Variants in SLC3A1 observed in about 807,000 individuals in gnomAD.
SLC3A1 encodes amino acid transporter heavy chain SLC3A1.
Under a neutral mutation model 60.3 loss-of-function variants are expected in SLC3A1, and 78 were observed. That is an observed-to-expected ratio of 1.29 (90% CI 1.08 to 1.56). The LOEUF (loss-of-function observed/expected upper bound fraction) is 1.56. SLC3A1 is among the 40% of genes most tolerant of loss of function. The probability of loss-of-function intolerance (pLI) is 0.00; values close to 1 mark genes in which losing one functional copy is unlikely to be tolerated. For missense variants in SLC3A1, 1,172 were observed against 858.9 expected, an observed-to-expected ratio of 1.36 and a Z score of -4.56; for synonymous variants, 392 against 307.9, an observed-to-expected ratio of 1.27 and a Z score of -2.86.
Position 44,286,129 on chromosome 2 carries a change from G to A in SLC3A1, c.863G>A (p.Arg288His), listed in dbSNP as rs375237049. Residue 288 changes from arginine to histidine, a missense_variant, in exon 4 of 10, where the codon CGC becomes CAC. Transcript: ENST00000260649. The part of the protein sequence containing the change: ...FMKEQPDLNF[R>H]NPDVQEEIKE... Reference sequence around the variant, plus strand: ...AAAGAGCAACCTGATTTAAATTTCCGCAATCCTGATGTTCAAGAAGAAATA... The same window carrying A: ...AAAGAGCAACCTGATTTAAATTTCCACAATCCTGATGTTCAAGAAGAAATA... 5.7e-5 allele frequency: 92 copies of A among 1,613,928 alleles called. No homozygotes were observed. The African/African-American group carries it at 6.5e-4, about 11-fold the overall frequency.
At chr2:44,316,099 ATT>A (rs1672439745) in intron 9 of SLC3A1, among the ~76,000 whole-genome samples, 1 of 152,168 alleles carries the variant, frequency 6.6e-6, no homozygotes, top group Non-Finnish European at 1.5e-5. Context: ...TTGGCTTCCC[ATT>A]ATGAGAGGCA....
At chr2:44,292,529 G>A (rs970566287) in intron 4 of SLC3A1, among the ~76,000 whole-genome samples, 2 of 152,100 alleles carry the variant, frequency 1.3e-5, no homozygotes, top group Non-Finnish European at 2.9e-5. Context: ...ATTCTGGGGT[G>A]GGAGGTGGAC....
At chr2:44,316,462 TTAAGAGCATAAGAAAAAATC>T (rs1672458581) in intron 9 of SLC3A1, 1 of 151,784 alleles carries the variant, frequency 6.6e-6, no homozygotes, top group Non-Finnish European at 1.5e-5. Context: ...AGACAAAGAA[TTAAGAGCATAAGAAAAAATC>T]GGGATACATG....
At chr2:44,286,921 C>T (rs1671630613) in intron 4 of SLC3A1, among the ~76,000 whole-genome samples, 1 of 152,134 alleles carries the variant, frequency 6.6e-6, no homozygotes. Context: ...CTAAAATGGG[C>T]TTCTTGATGG....
chr2:44,319,783 GAACA>G (rs558593497), intron 9 of SLC3A1: 2 of 177,882 alleles, frequency 1.1e-5, no homozygotes, highest in South Asian at 2.6e-4. Flanking sequence ...CTACAAAGGG[GAACA>G]AACCCAAATT....
At chr2:44,317,280 T>C (rs1672503344) in intron 9 of SLC3A1, among the ~76,000 whole-genome samples, 1 of 151,978 alleles carries the variant, frequency 6.6e-6, no homozygotes, top group African/African-American at 2.4e-5. Flanking sequence ...CTAGGCAACA[T>C]AGTAAGACCC....
At position 44,280,748 on chromosome 2, in the gene SLC3A1, T is replaced by C; in HGVS notation, c.463T>C (p.Leu155=). 1 of 1,611,450 alleles carries C rather than the reference T, an allele frequency of 6.2e-7. No homozygotes were observed. Among genetic ancestry groups the C allele is most frequent in the Non-Finnish European group, 8.5e-7 (1 of 1,177,638 alleles). Reference sequence around the variant, plus strand: ...AGATAAACTGGACTACATCACAGCTTTAAATATAAAAACTGTTTGGATTAC... The same window carrying C: ...AGATAAACTGGACTACATCACAGCTCTAAATATAAAAACTGTTTGGATTAC... ...IQDKLDYITA[L]NIKTVWITSF... The change falls in exon 2 of 10, where the codon TTA becomes CTA. Residue 155 remains leucine (L), a synonymous_variant. Coordinates refer to ENST00000260649, the MANE Select transcript of SLC3A1 (RefSeq NM_000341.4).
chr2:44,286,553 T>G (rs1268584649), intron 4 of SLC3A1, among the ~76,000 whole-genome samples: 1 of 145,642 alleles, frequency 6.9e-6, no homozygotes, highest in Non-Finnish European at 1.5e-5. Flanking sequence ...GTGCGGTGCC[T>G]GTGACGGTGA....
chr2:44,300,688 CTT>C (rs199523809), intron 5 of SLC3A1, among the ~76,000 whole-genome samples: 10 of 151,378 alleles, frequency 6.6e-5, no homozygotes, highest in Middle Eastern at 6.8e-3. Flanking sequence ...CCACTAAGAT[CTT>C]TTTTTTTGTT....
chr2:44,285,077 T>C (rs1572793092), intron 3 of SLC3A1: 2 of 152,338 alleles, frequency 1.3e-5, no homozygotes, highest in South Asian at 4.1e-4. Context: ...CCCTTTGAAA[T>C]TGCTTTCTTC....
At chr2:44,295,055 C>T (rs977517488) in intron 4 of SLC3A1, among the ~76,000 whole-genome samples, 1 of 152,068 alleles carries the variant, frequency 6.6e-6, no homozygotes, top group East Asian at 1.9e-4. Flanking sequence ...AAGAGGATGT[C>T]TTCTCTATCA....
At chr2:44,286,179 G>A in intron 4 of SLC3A1, 22 bp downstream of exon 4, 1 of 1,610,816 alleles carries the variant, frequency 6.2e-7, no homozygotes, top group East Asian at 2.2e-5. Flanking sequence ...TACCCACACA[G>A]ACTTCTCCAT....
At chr2:44,317,314 T>G (rs1672505645) in intron 9 of SLC3A1, among the ~76,000 whole-genome samples, 2 of 151,918 alleles carry the variant, frequency 1.3e-5, no homozygotes, top group Non-Finnish European at 2.9e-5. Context: ...AGAAAAAAAT[T>G]AGCTGGGCAT....
chr2:44,278,687 A>G (rs1461945850), intron 1 of SLC3A1, among the ~76,000 whole-genome samples: 1 of 152,104 alleles, frequency 6.6e-6, no homozygotes, highest in Non-Finnish European at 1.5e-5. Context: ...ACTCTGAACT[A>G]GAAGGAGAAA....
chr2:44,299,139 A>T (rs1216055352), intron 4 of SLC3A1, among the ~76,000 whole-genome samples: 1 of 150,858 alleles, frequency 6.6e-6, no homozygotes, highest in Admixed American at 6.6e-5. Flanking sequence ...CCCGGGTTCA[A>T]GTGATTCTCC....
In SLC3A1 at chr2:44,321,436, G is replaced by T; in HGVS notation, c.*797G>T. ...AGTTCCTCGTACAGGAATTTAATTT[G>T]GGCTGTAATCTAAAAGAAACACATT... On this transcript the variant is annotated 3_prime_UTR_variant, in exon 10 of 10. Transcript: ENST00000260649. 6.2e-7 allele frequency: 1 copy of T among 1,612,000 alleles called. No individual in the cohort carries two copies. Among genetic ancestry groups the T allele is most frequent in the Non-Finnish European group, 8.5e-7 (1 of 1,178,552 alleles).
chr2:44,295,683 G>C (rs75023238), intron 4 of SLC3A1, among the ~76,000 whole-genome samples: 5 of 152,180 alleles, frequency 3.3e-5, no homozygotes, highest in Non-Finnish European at 7.3e-5. Flanking sequence ...AGTTTCTCAT[G>C]TTTAATGTCA....
intron 6 of SLC3A1, 58 bp downstream of exon 6, chr2:44,301,185 A>G (rs1159971683): frequency 1.2e-6 from 2 of 1,603,630 alleles, no homozygotes; most frequent in Non-Finnish European, 8.5e-7. Context: ...TCTGCAGTGT[A>G]TCCCTCACAA....
chr2:44,282,735 G>A (rs570136264), intron 3 of SLC3A1, among the ~76,000 whole-genome samples: 4 of 152,104 alleles, frequency 2.6e-5, no homozygotes, highest in South Asian at 4.1e-4. Context: ...ATGGCTCACC[G>A]CAGTCTTTGC....
Sources: gnomAD v4.1 joint callset for allele counts (sites outside exome capture counted in the v4.1 genomes callset) on GRCh38, gnomAD v4.1.1 for gene constraint, MANE v1.5 for transcripts, NCBI Gene and HGNC (gene_info 2026-07-23, HGNC 2026-07-21) for gene names.